ARB2A: variants seen among roughly 807,000 people sequenced by gnomAD.
ARB2A encodes the protein cotranscriptional regulator ARB2A.
the ARB2A span, among the ~76,000 whole-genome samples, chr5:93,711,081 A>C: frequency 1.3e-5 from 2 of 152,206 alleles, no homozygotes; most frequent in African/African-American, 4.8e-5. Flanking sequence ...CATTTTTGAA[A>C]GCATTCCTAC....
the ARB2A span, among the ~76,000 whole-genome samples, chr5:93,950,326 T>C: frequency 6.6e-6 from 1 of 152,204 alleles, no homozygotes; most frequent in African/African-American, 2.4e-5. Context: ...AATTTACCTT[T>C]CTACCAACAG....
the ARB2A span, among the ~76,000 whole-genome samples, chr5:93,645,497 C>T: frequency 9.9e-5 from 15 of 151,396 alleles, no homozygotes; most frequent in South Asian, 3.1e-3. Flanking sequence ...TCGCTTGAAC[C>T]CAGGAGGTGG....
the ARB2A span, among the ~76,000 whole-genome samples, chr5:93,852,615 T>C: frequency 6.6e-6 from 1 of 152,198 alleles, no homozygotes; most frequent in Admixed American, 6.5e-5. Context: ...TTAATCCATC[T>C]TGAATTAATT....
the ARB2A span, among the ~76,000 whole-genome samples, chr5:93,659,930 C>T: frequency 1.3e-5 from 2 of 152,128 alleles, no homozygotes; most frequent in East Asian, 3.9e-4. Context: ...TTCCTTGTAC[C>T]TGGCACAGTG....
At chr5:94,097,451 C>T in the ARB2A span, among the ~76,000 whole-genome samples, 1 of 152,134 alleles carries the variant, frequency 6.6e-6, no homozygotes, top group African/African-American at 2.4e-5. Context: ...GTGGAAGGGA[C>T]CCAGTGGGAG....
the ARB2A span, among the ~76,000 whole-genome samples, chr5:94,024,542 T>C: frequency 2.6e-5 from 4 of 152,102 alleles, no homozygotes; most frequent in Admixed American, 6.6e-5. Flanking sequence ...AGCCTTAGTA[T>C]GATGAACTCC....
At chr5:93,795,560 G>A in the ARB2A span, among the ~76,000 whole-genome samples, 1 of 152,154 alleles carries the variant, frequency 6.6e-6, no homozygotes, top group Non-Finnish European at 1.5e-5. Context: ...GTCCATCCAA[G>A]TGGGAGCTGC....
the ARB2A span, among the ~76,000 whole-genome samples, chr5:94,079,892 C>T: frequency 6.6e-6 from 1 of 151,838 alleles, no homozygotes; most frequent in South Asian, 2.1e-4. Flanking sequence ...TTAATAGGTC[C>T]CCAAATTGGT....
the ARB2A span, among the ~76,000 whole-genome samples, chr5:93,857,907 T>C: frequency 6.6e-6 from 1 of 152,240 alleles, no homozygotes; most frequent in Non-Finnish European, 1.5e-5. Flanking sequence ...AGACTGGAGC[T>C]GTTCCTATTC....
chr5:93,930,952 G>A, the ARB2A span, among the ~76,000 whole-genome samples: 2 of 152,156 alleles, frequency 1.3e-5, no homozygotes, highest in Admixed American at 6.6e-5. Flanking sequence ...AGCCCTGCAT[G>A]CATTAGCTAT....
At chr5:93,961,784 GT>G in the ARB2A span, among the ~76,000 whole-genome samples, 1 of 152,068 alleles carries the variant, frequency 6.6e-6, no homozygotes, top group Non-Finnish European at 1.5e-5. Context: ...ATAAATTAAA[GT>G]TTTACTTGAA....
At chr5:93,937,387 G>A in the ARB2A span, among the ~76,000 whole-genome samples, 1 of 151,116 alleles carries the variant, frequency 6.6e-6, no homozygotes, top group African/African-American at 2.4e-5. Context: ...TGGATCATGA[G>A]GTTAAGACAT....
At chr5:93,831,030 T>C in the ARB2A span, among the ~76,000 whole-genome samples, 1 of 152,128 alleles carries the variant, frequency 6.6e-6, no homozygotes. Flanking sequence ...ATAGGGTTCA[T>C]GCTTTTATAA....
the ARB2A span, among the ~76,000 whole-genome samples, chr5:93,693,401 T>C: frequency 6.6e-6 from 1 of 152,056 alleles, no homozygotes; most frequent in Non-Finnish European, 1.5e-5. Context: ...AAATACAAAC[T>C]ACCACCAGAG....
chr5:93,931,102 T>C, the ARB2A span, among the ~76,000 whole-genome samples: 5 of 152,332 alleles, frequency 3.3e-5, no homozygotes, highest in East Asian at 7.7e-4. Context: ...TTTCTGTTTC[T>C]GTGTTAGTTT....
chr5:93,866,048 T>C, the ARB2A span: 2 of 982,684 alleles, frequency 2.0e-6, no homozygotes, highest in Non-Finnish European at 2.4e-6. Flanking sequence ...ATCTATAATA[T>C]GCTATTAATT....
the ARB2A span, among the ~76,000 whole-genome samples, chr5:93,897,620 A>T: frequency 1.3e-5 from 2 of 151,884 alleles, no homozygotes; most frequent in Non-Finnish European, 2.9e-5. Flanking sequence ...GCATAGAGGA[A>T]AATAAGATTA....
chr5:94,011,936 CAAAAAAA>C, the ARB2A span, among the ~76,000 whole-genome samples: 36 of 30,182 alleles, frequency 1.2e-3, no homozygotes, highest in East Asian at 2.3e-3. Context: ...AAAGGGTAGA[CAAAAAAA>C]AAAAAAAAAA....
the ARB2A span, among the ~76,000 whole-genome samples, chr5:93,709,228 C>A: frequency 1.3e-5 from 2 of 152,132 alleles, no homozygotes; most frequent in African/African-American, 4.8e-5. Flanking sequence ...TCAATGAAAT[C>A]ATAAGGTCCT....
Sources: allele counts gnomAD v4.1 joint callset (sites outside exome capture counted in the v4.1 genomes callset), GRCh38; gene constraint gnomAD v4.1.1; transcripts MANE v1.5; gene names NCBI Gene and HGNC (gene_info 2026-07-23, HGNC 2026-07-21).